The following MAP2K6 variants were observed in gnomAD, a reference collection of about 807,000 sequenced individuals.
MAP2K6 encodes the protein dual specificity mitogen-activated protein kinase kinase 6.
Under a neutral mutation model 53.7 loss-of-function variants are expected in MAP2K6, and 16 were observed. The observed-to-expected ratio is 0.30, with a 90% CI of 0.20 to 0.45. MAP2K6 has a LOEUF of 0.45. Among genes scored for constraint, MAP2K6 ranks in the 20% least tolerant of loss-of-function variants. MAP2K6 has a pLI of 1.00. For synonymous variants in MAP2K6, 132 were observed against 143.1 expected (o/e 0.92, Z 0.55); for missense variants, 204 against 411.9 (o/e 0.50, Z 4.37).
At chr17:69,448,244 GTTTTTTT>G (rs66982276) in intron 1 of MAP2K6, among the ~76,000 whole-genome samples, 238 of 138,898 alleles carry the variant, frequency 1.7e-3, no homozygotes, top group African/African-American at 6.0e-3. Context: ...TTTTGTTTTT[GTTTTTTT>G]TTTTTTTCAA....
At chr17:69,520,605 A>G (rs1910414381) in intron 6 of MAP2K6, 1 of 509,712 alleles carries the variant, frequency 2.0e-6, no homozygotes, top group African/African-American at 2.0e-5. Context: ...AGGTTAAATG[A>G]CTCTAAGTGC....
intron 1 of MAP2K6, among the ~76,000 whole-genome samples, chr17:69,449,967 C>T (rs573631800): frequency 1.3e-4 from 19 of 151,284 alleles, no homozygotes; most frequent in Non-Finnish European, 2.4e-4. Context: ...TGGAGTCTCA[C>T]TCTGTCACCC....
chr17:69,529,494 A>G (rs1910963029), intron 10 of MAP2K6, among the ~76,000 whole-genome samples: 1 of 149,238 alleles, frequency 6.7e-6, no homozygotes, highest in African/African-American at 2.5e-5. Context: ...TGAGAAATAA[A>G]TGGTTTTTAA....
chr17:69,478,304 A>G (rs755059049), intron 1 of MAP2K6, among the ~76,000 whole-genome samples: 2 of 152,216 alleles, frequency 1.3e-5, no homozygotes, highest in Non-Finnish European at 2.9e-5. Context: ...CCACGCAGGA[A>G]GTTACCATTG....
intron 2 of MAP2K6, among the ~76,000 whole-genome samples, chr17:69,516,506 T>G (rs1910149888): frequency 6.6e-6 from 1 of 152,192 alleles, no homozygotes; most frequent in South Asian, 2.1e-4. Context: ...CTAATCTATA[T>G]AATAGCACAT....
intron 2 of MAP2K6, among the ~76,000 whole-genome samples, chr17:69,509,931 T>C (rs1909728735): frequency 6.6e-6 from 1 of 152,016 alleles, no homozygotes; most frequent in South Asian, 2.1e-4. Context: ...AGTCTCAGCC[T>C]CCCCTGGCTC....
chr17:69,525,025 A>G, intron 9 of MAP2K6, 47 bp downstream of exon 9: 1 of 1,521,068 alleles, frequency 6.6e-7, no homozygotes, highest in Non-Finnish European at 9.1e-7. Context: ...GGGTAATGAA[A>G]CTAGAATGAG....
chr17:69,502,503 C>A (rs1290541898), intron 1 of MAP2K6: 2 of 985,274 alleles, frequency 2.0e-6, no homozygotes, highest in Non-Finnish European at 2.4e-6. Flanking sequence ...TTTTCTAACA[C>A]TGTAATTCAA....
chr17:69,442,387 A>G (rs188490383), intron 1 of MAP2K6, among the ~76,000 whole-genome samples: 1 of 152,206 alleles, frequency 6.6e-6, no homozygotes, highest in Admixed American at 6.5e-5. Context: ...CTTAATCCTG[A>G]TGGTCTCCCT....
At chr17:69,541,077 C>T (rs1911597588) in intron 11 of MAP2K6, among the ~76,000 whole-genome samples, 1 of 152,168 alleles carries the variant, frequency 6.6e-6, no homozygotes, top group Non-Finnish European at 1.5e-5. Context: ...TCCTGGGTAA[C>T]ACAGTGAAAC....
At chr17:69,476,235 A>C (rs911041868) in intron 1 of MAP2K6, among the ~76,000 whole-genome samples, 3 of 152,172 alleles carry the variant, frequency 2.0e-5, no homozygotes, top group African/African-American at 7.2e-5. Context: ...AAAAGGACCA[A>C]GAAGAAATGA....
In MAP2K6 at chr17:69,449,539, T is replaced by TTCTTTGTCTTTCTTTCTTTG. The variant is rs1487904811; in HGVS notation, c.16+34544_16+34545insGTCTTTCTTTCTTTGTCTTT. On this transcript the variant is annotated intron_variant, in intron 1 of 11. Transcript: ENST00000590474. Reference sequence around the variant, plus strand: ...TTTGTCTTTCTTTCTTTGTCTTTCTTTCTTTCTTTCTTTCTTTCTTTATTT... The same window carrying TTCTTTGTCTTTCTTTCTTTG: ...TTTGTCTTTCTTTCTTTGTCTTTCTTTCTTTGTCTTTCTTTCTTTGTCTTTCTTTCTTTCTTTCTTTATTT... Among the ~76,000 whole-genome samples, 302 of 105,336 alleles carry TTCTTTGTCTTTCTTTCTTTG rather than the reference T, an allele frequency of 2.9e-3. 3 individuals carry two copies. Among genetic ancestry groups the TTCTTTGTCTTTCTTTCTTTG allele is most frequent in the Admixed American group, 0.019 (194 of 10,318 alleles). 69.1% of individuals were successfully genotyped at this position (105,336 alleles called of 152,430 possible). A position where few individuals can be genotyped will look rare whatever the true frequency, so the allele number is the denominator to read the frequency against.
chr17:69,526,446 A>C, intron 9 of MAP2K6, 124 bp from the exon 10 acceptor site: 1 of 971,634 alleles, frequency 1.0e-6, no homozygotes, highest in Non-Finnish European at 1.5e-6. Context: ...CTGCCCCCCT[A>C]CCCCTGGACT....
chr17:69,505,072 C>T (rs550734153), intron 1 of MAP2K6, among the ~76,000 whole-genome samples: 1 of 145,654 alleles, frequency 6.9e-6, no homozygotes, highest in East Asian at 2.0e-4. Flanking sequence ...CCTTTACTAA[C>T]ACTAAAAAGA....
chr17:69,528,096 T>TAA (rs1379669383), intron 10 of MAP2K6, among the ~76,000 whole-genome samples: 1 of 90,090 alleles, frequency 1.1e-5, no homozygotes, highest in Admixed American at 1.2e-4. Context: ...GCAACAAGAA[T>TAA]AAAACTTCGT....
chr17:69,541,027 G>A (rs1295439203), intron 11 of MAP2K6, among the ~76,000 whole-genome samples: 1 of 152,210 alleles, frequency 6.6e-6, no homozygotes, highest in East Asian at 1.9e-4. Context: ...ACTTTGGGAG[G>A]CCGAGGCTGG....
intron 1 of MAP2K6, among the ~76,000 whole-genome samples, chr17:69,463,264 A>G (rs1301955470): frequency 6.6e-6 from 1 of 150,996 alleles, no homozygotes; most frequent in Non-Finnish European, 1.5e-5. Flanking sequence ...TCACGTACAT[A>G]TATGTATGTG....
chr17:69,491,503 A>G (rs1280002238), intron 1 of MAP2K6, among the ~76,000 whole-genome samples: 1 of 152,084 alleles, frequency 6.6e-6, no homozygotes, highest in African/African-American at 2.4e-5. Flanking sequence ...CGTCTCTGCT[A>G]TTGTGAATAG....
At chr17:69,415,041 T>C (rs1905854494) in intron 1 of MAP2K6, 41 bp downstream of exon 1, 1 of 1,519,848 alleles carries the variant, frequency 6.6e-7, no homozygotes. Flanking sequence ...TGCAAAGGGT[T>C]GTGCATGCAT....
Sources: gnomAD v4.1 joint callset for allele counts (sites outside exome capture counted in the v4.1 genomes callset) on GRCh38, gnomAD v4.1.1 for gene constraint, MANE v1.5 for transcripts, NCBI Gene and HGNC (gene_info 2026-07-23, HGNC 2026-07-21) for gene names.